Variants in PDE7B observed in about 807,000 individuals in gnomAD.
PDE7B encodes the protein phosphodiesterase 7B.
In PDE7B, 29 loss-of-function variants were observed where a neutral mutation model predicts 56.2. That is an observed-to-expected ratio of 0.52 (90% CI 0.38 to 0.70). The LOEUF (loss-of-function observed/expected upper bound fraction) is 0.70. Ranked by LOEUF, PDE7B falls within the 30% of genes least tolerant of loss-of-function variation. The pLI is 0.00. For missense variants in PDE7B, 490 were observed against 565.0 expected (o/e 0.87, Z 1.35); for synonymous variants, 197 against 196.9 (o/e 1.00, Z 0.00).
chr6:136,170,018 G>A (rs1447992195), intron 8 of PDE7B, among the ~76,000 whole-genome samples: 4 of 152,160 alleles, frequency 2.6e-5, no homozygotes, highest in Admixed American at 2.6e-4. Flanking sequence ...AAGCCTTGGA[G>A]ATAAATGAGT....
At chr6:136,008,225 G>T (rs1270521408) in intron 2 of PDE7B, among the ~76,000 whole-genome samples, 1 of 151,978 alleles carries the variant, frequency 6.6e-6, no homozygotes, top group Non-Finnish European at 1.5e-5. Context: ...TCTTAATCCA[G>T]TCTATCATTG....
intron 2 of PDE7B, among the ~76,000 whole-genome samples, chr6:135,963,890 G>T (rs961730878): frequency 5.9e-5 from 9 of 152,086 alleles, no homozygotes; most frequent in Non-Finnish European, 1.2e-4. Context: ...GGGGGAAAAA[G>T]CTGAGAGCAG....
rs527791152 is a variant in PDE7B at position 136,084,224 on chromosome 6, C to T, written c.83-24507C>T. 7.2e-5 allele frequency among the ~76,000 whole-genome samples: 11 copies of T among 152,322 alleles called. 1 individual carries two copies. Among genetic ancestry groups the T allele is most frequent in the South Asian group, 4.1e-4 (2 of 4,828 alleles). On this transcript the variant is annotated intron_variant, in intron 2 of 12. Transcript: ENST00000308191. Reference sequence around the variant, plus strand: ...GGTTCCAAACCCAAATATCCCAATTCGCTAAAGTTAGATAAACCTCCATGC... The same window carrying T: ...GGTTCCAAACCCAAATATCCCAATTTGCTAAAGTTAGATAAACCTCCATGC...
intron 1 of PDE7B, among the ~76,000 whole-genome samples, chr6:135,887,324 G>A (rs1410322207): frequency 6.6e-6 from 1 of 152,074 alleles, no homozygotes; most frequent in Non-Finnish European, 1.5e-5. Flanking sequence ...TACTGTGCAA[G>A]ACCTTTTGTT....
chr6:135,996,007 T>G (rs2128205645), intron 2 of PDE7B, among the ~76,000 whole-genome samples: 1 of 152,282 alleles, frequency 6.6e-6, no homozygotes, highest in Middle Eastern at 3.4e-3. Flanking sequence ...GAGTTGGTGC[T>G]TTTTATTTTT....
chr6:136,159,638 T>G (rs1048114049), intron 8 of PDE7B, among the ~76,000 whole-genome samples: 1 of 152,194 alleles, frequency 6.6e-6, no homozygotes, highest in Non-Finnish European at 1.5e-5. Flanking sequence ...AGGGAAGAAC[T>G]CAGCAGCCTC....
intron 1 of PDE7B, among the ~76,000 whole-genome samples, chr6:135,932,720 C>T (rs1774315905): frequency 6.6e-6 from 1 of 152,188 alleles, no homozygotes; most frequent in African/African-American, 2.4e-5. Context: ...CTCCTATGGT[C>T]ACCGGACTGG....
chr6:135,994,307 C>T (rs1296165277), intron 2 of PDE7B, among the ~76,000 whole-genome samples: 3 of 151,712 alleles, frequency 2.0e-5, no homozygotes, highest in Admixed American at 6.6e-5. Context: ...ACACTTCATA[C>T]GAAAATGAAA....
chr6:136,000,547 CAGATGGCTAA>C (rs1779262300), intron 2 of PDE7B, among the ~76,000 whole-genome samples: 1 of 152,122 alleles, frequency 6.6e-6, no homozygotes, highest in South Asian at 2.1e-4. Context: ...GGTTGAAGAT[CAGATGGCTAA>C]AGGTGTATGG....
At position 136,191,877 on chromosome 6, in the gene PDE7B, G is replaced by A. The variant is rs777656360; in HGVS notation, c.*37G>A. 5.3e-6 allele frequency: 8 copies of A among 1,500,118 alleles called. No individual in the cohort carries two copies. The highest frequency in any genetic ancestry group is 1.4e-5 in the African/African-American group (1 of 72,062). 92.9% of individuals were successfully genotyped at this position (1,500,118 alleles called of 1,614,324 possible). A position where few individuals can be genotyped will look rare whatever the true frequency, so the allele number is the denominator to read the frequency against. On this transcript the variant is annotated 3_prime_UTR_variant, in exon 13 of 13. Coordinates refer to ENST00000308191, the MANE Select transcript of PDE7B (RefSeq NM_018945.4). ...ACTTAGACGCGGCTCTCCTCCGGCA[G>A]GGCCCCCAGAGGGCAGAAGCAGCGT...
intron 3 of PDE7B, among the ~76,000 whole-genome samples, chr6:136,119,387 A>AT (rs887705160): frequency 1.2e-4 from 18 of 152,112 alleles, no homozygotes; most frequent in African/African-American, 4.1e-4. Flanking sequence ...AAAAAATGAG[A>AT]TTTTATTTTT....
chr6:135,993,386 A>G (rs1284802176), intron 2 of PDE7B, among the ~76,000 whole-genome samples: 1 of 152,216 alleles, frequency 6.6e-6, no homozygotes, highest in African/African-American at 2.4e-5. Flanking sequence ...GATTTTTAAA[A>G]TTCAGATGCT....
intron 7 of PDE7B, among the ~76,000 whole-genome samples, chr6:136,154,746 T>C (rs192254543): frequency 6.6e-6 from 1 of 152,348 alleles, no homozygotes; most frequent in East Asian, 1.9e-4. Flanking sequence ...TAATGCTCAA[T>C]ACTCAACATT....
intron 3 of PDE7B, among the ~76,000 whole-genome samples, chr6:136,131,683 G>T (rs1324155499): frequency 6.6e-6 from 1 of 152,026 alleles, no homozygotes; most frequent in Non-Finnish European, 1.5e-5. Context: ...ATCACATTAA[G>T]TCAGTGTCAA....
At chr6:135,927,028 A>G (rs1482146799) in intron 1 of PDE7B, among the ~76,000 whole-genome samples, 2 of 152,210 alleles carry the variant, frequency 1.3e-5, no homozygotes, top group Non-Finnish European at 2.9e-5. Flanking sequence ...ATAGCAGCCT[A>G]TTCATCTAAC....
chr6:135,970,362 G>C (rs975544004), intron 2 of PDE7B, among the ~76,000 whole-genome samples: 12 of 152,256 alleles, frequency 7.9e-5, no homozygotes, highest in African/African-American at 2.9e-4. Flanking sequence ...CAAGAGGAAG[G>C]CCAGAGTGTG....
intron 2 of PDE7B, among the ~76,000 whole-genome samples, chr6:136,068,202 T>C (rs1776978951): frequency 6.6e-6 from 1 of 152,166 alleles, no homozygotes; most frequent in Non-Finnish European, 1.5e-5. Context: ...GTTTTGAGCA[T>C]TTTAACATAA....
At chr6:136,120,228 T>C (rs1462863349) in intron 3 of PDE7B, among the ~76,000 whole-genome samples, 1 of 152,222 alleles carries the variant, frequency 6.6e-6, no homozygotes, top group Admixed American at 6.5e-5. Context: ...CCTTTTCAGT[T>C]TTCCATTCTA....
chr6:136,188,065 G>A (rs1031621712), intron 12 of PDE7B, among the ~76,000 whole-genome samples: 1 of 152,114 alleles, frequency 6.6e-6, no homozygotes, highest in African/African-American at 2.4e-5. Flanking sequence ...AGGGAAGGGG[G>A]TATCTGAAAA....
Sources: gnomAD v4.1 joint callset for allele counts (sites outside exome capture counted in the v4.1 genomes callset) on GRCh38, gnomAD v4.1.1 for gene constraint, MANE v1.5 for transcripts, NCBI Gene and HGNC (gene_info 2026-07-23, HGNC 2026-07-21) for gene names.